PEMT: variants seen among roughly 807,000 people sequenced by gnomAD.
PEMT encodes phospholipid methyltransferase.
PEMT carries 23 observed loss-of-function variants against 27.4 expected under a neutral mutation model. The ratio of observed to expected loss-of-function variants is 0.84; its 90% CI spans 0.60 to 1.19. The LOEUF (loss-of-function observed/expected upper bound fraction) is 1.19. Among genes scored for constraint, PEMT ranks in the 50% most tolerant of loss-of-function variants. PEMT has a pLI of 0.00. For synonymous variants in PEMT, 137 were observed against 139.1 expected, an observed-to-expected ratio of 0.98 and a Z score of 0.11; for missense variants, 307 against 310.1, an observed-to-expected ratio of 0.99 and a Z score of 0.07.
intron 3 of PEMT, among the ~76,000 whole-genome samples, chr17:17,515,382 G>A (rs1906750140): frequency 6.6e-6 from 1 of 152,182 alleles, no homozygotes; most frequent in Non-Finnish European, 1.5e-5. Flanking sequence ...GGGAGCGGGT[G>A]GGAGAGGCCC....
At chr17:17,506,162 G>C in intron 6 of PEMT, 65 bp downstream of exon 6, 1 of 1,332,114 alleles carries the variant, frequency 7.5e-7, no homozygotes, top group Non-Finnish European at 1.0e-6. Context: ...ACAAGGAAAG[G>C]TTCTAGAGGG....
At position 17,582,375 on chromosome 17, in the gene PEMT, T is replaced by C. The variant is rs2142755809; in HGVS notation, c.97-5348A>G. ...AAGCATGGGTAAGGAAGAGGCTTTA[T>C]GGTAATTTACTCCATTGAGGGGTGC... On this transcript the variant is annotated intron_variant, in intron 1 of 6. Transcript: ENST00000255389. The surrounding 1 kb of genome is among the most constrained non-coding windows in gnomAD (Gnocchi z 4.9). 4.1e-6 allele frequency: 4 copies of C among 985,430 alleles called. No homozygotes were observed. The highest frequency in any genetic ancestry group is 4.8e-6 in the Non-Finnish European group (4 of 829,902). 61.0% of individuals were successfully genotyped at this position (985,430 alleles called of 1,614,324 possible). A position where few individuals can be genotyped will look rare whatever the true frequency, so the allele number is the denominator to read the frequency against.
rs925193595 is a variant in PEMT at position 17,561,238 on chromosome 17, C to T, written c.204+15682G>A. On this transcript the variant is annotated intron_variant, in intron 2 of 6. Coordinates refer to ENST00000255389, the MANE Select transcript of PEMT (RefSeq NM_148172.3). The surrounding 1 kb of genome is among the most constrained non-coding windows in gnomAD (Gnocchi z 4.5). ...TCTGCCTGGCTCCCTGTGCTGCACA[C>T]GGAGTGTGTCACATCCTCACACGAC... Among the ~76,000 whole-genome samples, 8 of 152,180 alleles carry T rather than the reference C, an allele frequency of 5.3e-5. No individual in the cohort carries two copies. Among genetic ancestry groups the T allele is most frequent in the Non-Finnish European group, 7.3e-5 (5 of 68,038 alleles).
chr17:17,506,242 G>C lies in PEMT; in HGVS notation c.638C>G (p.Ala213Gly). 1 of 1,578,958 alleles carries C rather than the reference G, an allele frequency of 6.3e-7. No individual in the cohort carries two copies. Among genetic ancestry groups the C allele is most frequent in the East Asian group, 2.3e-5 (1 of 43,378 alleles). Residue 213 changes from alanine (A) to glycine (G), a missense_variant, in exon 6 of 7, where the codon GCT (alanine) becomes GGT (glycine). Physicochemically the swap from Ala to Gly is moderately conservative, Grantham distance 60. Transcript: ENST00000255389. ...CCCTACTCACTCTTCGTATAGGAGA[G>C]CCACTATGTAGGTGAGGGCCACCAG... Reference protein sequence around the residue: ...TVLVALTYIVALLYEEPFTAE... With the variant: ...TVLVALTYIVGLLYEEPFTAE...
intron 2 of PEMT, 29 bp downstream of exon 2, chr17:17,576,891 G>A (rs371102561): frequency 3.0e-4 from 465 of 1,566,870 alleles, no homozygotes; most frequent in Non-Finnish European, 3.7e-4. Context: ...AGATACTCCC[G>A]TCTGGACAGT....
intron 1 of PEMT, among the ~76,000 whole-genome samples, chr17:17,587,533 G>A (rs1912380056): frequency 6.6e-6 from 1 of 152,022 alleles, no homozygotes; most frequent in Non-Finnish European, 1.5e-5. Context: ...TATGGAAGAG[G>A]GAGGCAATAC....
intron 1 of PEMT, among the ~76,000 whole-genome samples, chr17:17,581,552 C>T (rs1911978683): frequency 6.6e-6 from 1 of 152,138 alleles, no homozygotes; most frequent in African/African-American, 2.4e-5. Context: ...CTTTTTTCAC[C>T]TTCTGTGGGA....
rs1310346016 is a variant in PEMT at position 17,509,542 on chromosome 17, T to C, written c.470A>G (p.Asp157Gly). 1.2e-6 allele frequency: 2 copies of C among 1,608,472 alleles called. No homozygotes were observed. The highest frequency in any genetic ancestry group is 1.7e-6 in the Non-Finnish European group (2 of 1,174,988). ...CGCCTCCTTGAGGATCCCGAAGTAATCACCTGTGGATGAGGCAAGGCAGGG... is the reference window on the plus strand; with the variant it reads ...CGCCTCCTTGAGGATCCCGAAGTAACCACCTGTGGATGAGGCAAGGCAGGG... The part of the protein sequence containing the change: ...ALGFAGTFLG[D>G]YFGILKEARV... Residue 157 changes from aspartate to glycine, a missense_variant, in exon 5 of 7, where the codon GAT (aspartate) becomes GGT (glycine). Transcript: ENST00000255389.
In PEMT at chr17:17,512,578, G is replaced by T; in HGVS notation, c.397C>A (p.Leu133Ile). ...ACGAGCACGACGCCCAGTCCCAGGA[G>T]CGCGAGGCCCAGGCTGTAGGCCGCG... ...TPAAYSLGLA[L>I]LGLGVVLVLS... Residue 133 changes from leucine (L) to isoleucine (I), a missense_variant, in exon 4 of 7, where the codon CTC (leucine) becomes ATC (isoleucine). Coordinates refer to ENST00000255389, the MANE Select transcript of PEMT (RefSeq NM_148172.3). The surrounding 1 kb of genome is among the most constrained non-coding windows in gnomAD (Gnocchi z 6.3). 1.2e-6 allele frequency: 2 copies of T among 1,608,848 alleles called. No homozygotes were observed. The highest frequency in any genetic ancestry group is 1.7e-6 in the Non-Finnish European group (2 of 1,177,640).
At chr17:17,574,948 C>A (rs977987841) in intron 2 of PEMT, among the ~76,000 whole-genome samples, 2 of 152,236 alleles carry the variant, frequency 1.3e-5, no homozygotes, top group African/African-American at 4.8e-5. Context: ...CCCAACACTC[C>A]AAAGGTTAGG....
At chr17:17,589,780 T>C (rs904482346) in intron 1 of PEMT, among the ~76,000 whole-genome samples, 4 of 152,200 alleles carry the variant, frequency 2.6e-5, no homozygotes, top group African/African-American at 9.7e-5. Flanking sequence ...TCTTTCTTTC[T>C]TTAAGAAAAA....
intron 2 of PEMT, among the ~76,000 whole-genome samples, chr17:17,549,218 C>G (rs1329828084): frequency 1.3e-5 from 2 of 151,956 alleles, no homozygotes; most frequent in African/African-American, 2.4e-5. Flanking sequence ...GAGACGGAGT[C>G]TCACTCTGTC....
At chr17:17,570,252 A>G (rs576146324) in intron 2 of PEMT, among the ~76,000 whole-genome samples, 4 of 152,336 alleles carry the variant, frequency 2.6e-5, no homozygotes, top group African/African-American at 9.6e-5. Flanking sequence ...GAAGCAGAGC[A>G]GGCTCCGCTT....
At chr17:17,576,849 G>C (rs1279836502) in intron 2 of PEMT, 71 bp downstream of exon 2, 1 of 1,254,608 alleles carries the variant, frequency 8.0e-7, no homozygotes, top group African/African-American at 1.5e-5. Context: ...CAACCACCGC[G>C]ATCCCCTGCA....
intron 2 of PEMT, among the ~76,000 whole-genome samples, chr17:17,549,268 C>A (rs1042463189): frequency 1.3e-5 from 2 of 152,206 alleles, no homozygotes; most frequent in Non-Finnish European, 1.5e-5. Flanking sequence ...TGGCTCACTG[C>A]AACCTCCGCC....
At chr17:17,575,018 T>C (rs1192474263) in intron 2 of PEMT, among the ~76,000 whole-genome samples, 6 of 152,214 alleles carry the variant, frequency 3.9e-5, no homozygotes, top group Non-Finnish European at 8.8e-5. Context: ...TCGCTTCCTG[T>C]GGCTGCTGTA....
At chr17:17,528,337 C>T (rs1907844548) in intron 2 of PEMT, among the ~76,000 whole-genome samples, 2 of 152,226 alleles carry the variant, frequency 1.3e-5, no homozygotes, top group Admixed American at 6.5e-5. Context: ...TGCCTTGCGG[C>T]TCCGGCAAGA....
chr17:17,576,863 G>T, intron 2 of PEMT, 57 bp downstream of exon 2: 1 of 1,384,526 alleles, frequency 7.2e-7, no homozygotes, highest in Non-Finnish European at 1.0e-6. Context: ...CCCTGCATGT[G>T]GGGCTCACCA....
chr17:17,572,129 G>A (rs1458293254), intron 2 of PEMT, among the ~76,000 whole-genome samples: 1 of 152,210 alleles, frequency 6.6e-6, no homozygotes, highest in East Asian at 1.9e-4. Flanking sequence ...GGGTCACTCA[G>A]GCCCAACCAT....
Sources: allele counts gnomAD v4.1 joint callset (sites outside exome capture counted in the v4.1 genomes callset), GRCh38; gene constraint gnomAD v4.1.1; non-coding constraint Gnocchi (gnomAD v3.1); transcripts MANE v1.5; gene names NCBI Gene and HGNC (gene_info 2026-07-23, HGNC 2026-07-21).